Variants in RTTN observed in about 807,000 individuals in gnomAD.
RTTN encodes rotatin.
A neutral mutation model predicts 269.2 loss-of-function variants in RTTN; 182 were observed. The observed-to-expected ratio is 0.68, with a 90% CI of 0.60 to 0.76. The LOEUF is 0.76. Among genes scored for constraint, RTTN ranks in the 30% least tolerant of loss-of-function variants. The probability of loss-of-function intolerance (pLI) is 0.00; values close to 1 mark genes in which losing one functional copy is unlikely to be tolerated. For synonymous variants in RTTN, 1,006 were observed against 963.5 expected, an observed-to-expected ratio of 1.04 and a Z score of -0.82; for missense variants, 2,545 against 2,608.6, an observed-to-expected ratio of 0.98 and a Z score of 0.53.
intron 28 of RTTN, among the ~76,000 whole-genome samples, chr18:70,101,018 G>C (rs1199567018): frequency 6.6e-6 from 1 of 152,142 alleles, no homozygotes; most frequent in African/African-American, 2.4e-5. Context: ...TGTTCATCAG[G>C]GATATGGTCT....
intron 40 of RTTN, among the ~76,000 whole-genome samples, chr18:70,044,225 C>T (rs2057426270): frequency 6.6e-6 from 1 of 152,170 alleles, no homozygotes; most frequent in Non-Finnish European, 1.5e-5. Context: ...CAGATTTACC[C>T]TTGAATTTTA....
At position 70,134,463 on chromosome 18, in the gene RTTN, A is replaced by T. The variant is rs745685019; in HGVS notation, c.2954+10T>A. 1 of 1,587,058 alleles carries T rather than the reference A, an allele frequency of 6.3e-7. No homozygotes were observed. Among genetic ancestry groups the T allele is most frequent in the African/African-American group, 1.4e-5 (1 of 73,814 alleles). Reference sequence around the variant, plus strand: ...GTCCTTCAAGAAAATCAGAGAAATAAATCCTTTACCTTCTAAAAACGGAAA... The same window carrying T: ...GTCCTTCAAGAAAATCAGAGAAATATATCCTTTACCTTCTAAAAACGGAAA... On this transcript the variant is annotated intron_variant, in intron 23 of 48. Coordinates refer to ENST00000640769, the MANE Select transcript of RTTN (RefSeq NM_173630.4).
intron 10 of RTTN, among the ~76,000 whole-genome samples, chr18:70,187,861 T>A (rs1400536096): frequency 6.6e-6 from 1 of 152,172 alleles, no homozygotes; most frequent in African/African-American, 2.4e-5. Flanking sequence ...AAAAGAATGA[T>A]ATCACAGTAG....
At chr18:70,139,790 T>C in intron 20 of RTTN, 74 bp from the exon 21 acceptor site, 1 of 867,806 alleles carries the variant, frequency 1.2e-6, no homozygotes, top group Non-Finnish European at 1.9e-6. Flanking sequence ...CATAATATTA[T>C]CTTACTCTAA....
intron 45 of RTTN, chr18:70,019,773 T>C (rs1359371063): frequency 6.6e-6 from 1 of 152,236 alleles, no homozygotes; most frequent in African/African-American, 2.4e-5. Context: ...TTGGTAAGAT[T>C]GATCTTTCCA....
At chr18:70,184,357 C>A (rs1394691815) in intron 10 of RTTN, among the ~76,000 whole-genome samples, 1 of 151,962 alleles carries the variant, frequency 6.6e-6, no homozygotes, top group African/African-American at 2.4e-5. Context: ...AGTTCGAGAC[C>A]AGCCTGGCCA....
At chr18:70,025,892 C>T (rs945712472) in intron 43 of RTTN, among the ~76,000 whole-genome samples, 2 of 152,196 alleles carry the variant, frequency 1.3e-5, no homozygotes, top group Non-Finnish European at 2.9e-5. Flanking sequence ...CCTGCCTCCT[C>T]AGGGATCTTA....
intron 40 of RTTN, among the ~76,000 whole-genome samples, chr18:70,044,684 A>G (rs2057443026): frequency 6.6e-6 from 1 of 152,158 alleles, no homozygotes; most frequent in South Asian, 2.1e-4. Flanking sequence ...AAAATATCTT[A>G]CTACAATGCA....
chr18:70,150,776 G>A, intron 14 of RTTN, 43 bp from the exon 15 acceptor site: 1 of 1,443,420 alleles, frequency 6.9e-7, no homozygotes, highest in Non-Finnish European at 9.5e-7. Flanking sequence ...TAGCAACACT[G>A]ATTTTTCCAA....
At chr18:70,033,147 G>A (rs1414571500) in intron 40 of RTTN, among the ~76,000 whole-genome samples, 3 of 152,136 alleles carry the variant, frequency 2.0e-5, no homozygotes, top group Non-Finnish European at 2.9e-5. Flanking sequence ...GTGGCATCTT[G>A]CCCCTCTCTC....
rs1599594561 is a variant in RTTN at position 70,109,664 on chromosome 18, A to T, written c.3737T>A (p.Leu1246His). 1.2e-6 allele frequency: 2 copies of T among 1,614,082 alleles called. No individual in the cohort carries two copies. Among genetic ancestry groups the T allele is most frequent in the Non-Finnish European group, 1.7e-6 (2 of 1,180,038 alleles). Reference sequence around the variant, plus strand: ...CGCATCCGTCACTTTCAGACACTGGAGCAGTTTCAGAGCCAGCTGCGTTTG... The same window carrying T: ...CGCATCCGTCACTTTCAGACACTGGTGCAGTTTCAGAGCCAGCTGCGTTTG... ...VFQTQLALKL[L>H]QCLKVTDAPH... The change falls in exon 28 of 49, where the codon CTC (leucine) becomes CAC (histidine). Residue 1246 changes from leucine (L) to histidine (H), a missense_variant. By Grantham distance (99) the Leu-to-His change is moderately conservative. Transcript: ENST00000640769.
chr18:70,168,719 G>T, intron 12 of RTTN, 136 bp downstream of exon 12: 1 of 628,326 alleles, frequency 1.6e-6, no homozygotes, highest in Non-Finnish European at 2.7e-6. Flanking sequence ...AACAGGTTAT[G>T]TATAATTGAC....
At chr18:70,051,372 T>C in intron 39 of RTTN, 39 bp downstream of exon 39, 1 of 1,569,426 alleles carries the variant, frequency 6.4e-7, no homozygotes, top group African/African-American at 1.4e-5. Context: ...CTCGTTTTAT[T>C]AGCAGAAAGC....
intron 21 of RTTN, 143 bp downstream of exon 21, chr18:70,139,456 T>G: frequency 3.6e-6 from 2 of 549,524 alleles, no homozygotes; most frequent in Non-Finnish European, 6.4e-6. Context: ...TATTAAACAT[T>G]TTCCATTTAC....
intron 44 of RTTN, among the ~76,000 whole-genome samples, chr18:70,022,591 T>C (rs2056737609): frequency 6.6e-6 from 1 of 152,204 alleles, no homozygotes; most frequent in African/African-American, 2.4e-5. Flanking sequence ...CTGTCTCCTC[T>C]ACTTCTTCAT....
chr18:70,041,932 C>G (rs2057353172), intron 40 of RTTN, among the ~76,000 whole-genome samples: 1 of 151,918 alleles, frequency 6.6e-6, no homozygotes, highest in Non-Finnish European at 1.5e-5. Context: ...CAAAATAACC[C>G]CCATTGGTCC....
At chr18:70,020,475 C>T in intron 45 of RTTN, 140 bp downstream of exon 45, 1 of 806,326 alleles carries the variant, frequency 1.2e-6, no homozygotes, top group South Asian at 1.9e-5. Context: ...ACAAAGTGAA[C>T]CTCTTAACCC....
At chr18:70,103,013 CGTCTGGG>C in intron 28 of RTTN, among the ~76,000 whole-genome samples, 5 of 148,944 alleles carry the variant, frequency 3.4e-5, no homozygotes, top group South Asian at 2.1e-4. Flanking sequence ...CCAGGCGCCC[CGTCTGGG>C]AAGTGAGGAG....
At position 70,059,994 on chromosome 18, in the gene RTTN, G is replaced by A; in HGVS notation, c.4796C>T (p.Ser1599Phe). The part of the protein sequence containing the change: ...SPRPPHDSSL[S>F]APLPKLCVFV... ...AACACACAGTTTGGGCAGGGGAGCAGAAAGAGATGAATCATGAGGTGGCCG... is the reference window on the plus strand; with the variant it reads ...AACACACAGTTTGGGCAGGGGAGCAAAAAGAGATGAATCATGAGGTGGCCG... Residue 1599 changes from serine to phenylalanine, a missense_variant, in exon 36 of 49, where the codon TCT becomes TTT. Ser to Phe is a radical substitution (Grantham distance 155). Transcript: ENST00000640769. The A allele has an allele frequency of 6.2e-7, 1 of 1,613,902 alleles. No individual in the cohort carries two copies. The highest frequency in any genetic ancestry group is 8.5e-7 in the Non-Finnish European group (1 of 1,179,858).
Sources: allele counts gnomAD v4.1 joint callset (sites outside exome capture counted in the v4.1 genomes callset), GRCh38; gene constraint gnomAD v4.1.1; transcripts MANE v1.5; gene names NCBI Gene and HGNC (gene_info 2026-07-23, HGNC 2026-07-21).